Variants in SYNRG observed in about 807,000 individuals in gnomAD.
SYNRG encodes synergin gamma.
In SYNRG, 37 loss-of-function variants were observed where a neutral mutation model predicts 130.9. That is an observed-to-expected ratio of 0.28 (90% CI 0.22 to 0.37). The LOEUF (loss-of-function observed/expected upper bound fraction) is 0.37. SYNRG is among the 10% of genes least tolerant of loss of function. The pLI is 1.00. For synonymous variants in SYNRG, 539 were observed against 568.1 expected, an observed-to-expected ratio of 0.95 and a Z score of 0.73; for missense variants, 1,338 against 1,588.9, an observed-to-expected ratio of 0.84 and a Z score of 2.68.
chr17:37,562,323 C>T (rs981219633), intron 11 of SYNRG, among the ~76,000 whole-genome samples: 1 of 152,194 alleles, frequency 6.6e-6, no homozygotes, highest in Non-Finnish European at 1.5e-5. Flanking sequence ...GGAAAAATAG[C>T]GTAATGAGTA....
At chr17:37,522,157 A>ACACACACACACAC (rs1568245884) in intron 19 of SYNRG, among the ~76,000 whole-genome samples, 2 of 151,280 alleles carry the variant, frequency 1.3e-5, no homozygotes, top group East Asian at 2.0e-4. Context: ...ACACACACAC[A>ACACACACACACAC]ATGGTTAAAA....
chr17:37,525,828 T>G (rs2055818463), intron 19 of SYNRG, among the ~76,000 whole-genome samples: 1 of 152,126 alleles, frequency 6.6e-6, no homozygotes, highest in African/African-American at 2.4e-5. Flanking sequence ...TAGCCAGGTG[T>G]GGTGGCGCTT....
At chr17:37,601,620 G>C (rs746871215) in intron 1 of SYNRG, among the ~76,000 whole-genome samples, 3 of 151,970 alleles carry the variant, frequency 2.0e-5, no homozygotes, top group Non-Finnish European at 1.5e-5. Context: ...ATTTTAGAGC[G>C]TAAGAAAGCT....
At chr17:37,545,197 C>A (rs993473657) in intron 14 of SYNRG, among the ~76,000 whole-genome samples, 6 of 148,260 alleles carry the variant, frequency 4.0e-5, no homozygotes, top group East Asian at 2.0e-4. Context: ...CCAGCCTGGG[C>A]AACAAGAGCG....
intron 11 of SYNRG, chr17:37,567,780 AAACAGG>A: frequency 6.6e-6 from 1 of 152,276 alleles, no homozygotes; most frequent in Non-Finnish European, 1.5e-5. Context: ...GAAACTGCAT[AAACAGG>A]AACAGAGGAG....
chr17:37,598,194 T>C (rs1438140052), intron 2 of SYNRG, among the ~76,000 whole-genome samples: 1 of 152,164 alleles, frequency 6.6e-6, no homozygotes, highest in Non-Finnish European at 1.5e-5. Context: ...CAGGTGGTGA[T>C]AAGAGCTAGG....
rs2056238059 is a variant in SYNRG at position 37,528,585 on chromosome 17, A to G, written c.3666+7394T>C. On this transcript the variant is annotated intron_variant, in intron 19 of 21. Transcript: ENST00000612223. ...TAGTGTTAAGCATTAAAAGCTTCCC[A>G]TAAAACCTCAATCATGCCTCTTTCT... Among the ~76,000 whole-genome samples the G allele has an allele frequency of 2.0e-5, 3 of 152,214 alleles. No individual in the cohort carries two copies. In the South Asian group the frequency reaches 6.2e-4, roughly 31 times the overall value.
At chr17:37,549,362 T>C (rs2058543409) in intron 14 of SYNRG, among the ~76,000 whole-genome samples, 1 of 152,124 alleles carries the variant, frequency 6.6e-6, no homozygotes, top group South Asian at 2.1e-4. Context: ...AGAAAATATT[T>C]TCCATGTTTG....
chr17:37,596,365 T>C (rs2062774622), intron 2 of SYNRG, 21 bp from the exon 3 acceptor site: 2 of 1,612,456 alleles, frequency 1.2e-6, no homozygotes, highest in Non-Finnish European at 1.7e-6. Context: ...AAAGACATTA[T>C]TAAAGTCAAT....
intron 19 of SYNRG, among the ~76,000 whole-genome samples, chr17:37,534,706 GT>G (rs926144318): frequency 6.6e-6 from 1 of 151,860 alleles, no homozygotes; most frequent in African/African-American, 2.4e-5. Context: ...ACAAGAAAAA[GT>G]TTTGGAAATT....
intron 15 of SYNRG, 84 bp from the exon 16 acceptor site, chr17:37,540,627 C>CTTAT: frequency 3.5e-6 from 3 of 864,516 alleles, no homozygotes; most frequent in African/African-American, 1.9e-5. Flanking sequence ...CCACAACCCT[C>CTTAT]TTCTTTTTTT....
chr17:37,533,475 C>T (rs2056851007), intron 19 of SYNRG, among the ~76,000 whole-genome samples: 1 of 151,454 alleles, frequency 6.6e-6, no homozygotes, highest in African/African-American at 2.4e-5. Flanking sequence ...AAAAATGGAA[C>T]CAGTAACCCT....
At position 37,571,987 on chromosome 17, in the gene SYNRG, T is replaced by C. The variant is rs1242867661; in HGVS notation, c.902A>G (p.Asp301Gly). Residue 301 changes from aspartate (D) to glycine (G), a missense_variant and splice_region_variant, in exon 9 of 22, where the codon GAT becomes GGT. Transcript: ENST00000612223. ...GGTTTCTAAGATTTTCTTATAGGCA[T>C]CTATTAAAGGAAAGACCAGATTACA... ...PWIYNESLVP[D>G]AYKKILETTM... 9 of 1,609,632 alleles carry C rather than the reference T, an allele frequency of 5.6e-6. No individual in the cohort carries two copies. The highest frequency in any genetic ancestry group is 7.6e-6 in the Non-Finnish European group (9 of 1,178,398).
At chr17:37,599,389 A>G (rs1469371032) in intron 2 of SYNRG, among the ~76,000 whole-genome samples, 2 of 152,212 alleles carry the variant, frequency 1.3e-5, no homozygotes, top group Non-Finnish European at 2.9e-5. Context: ...TCTGAGACCA[A>G]GAGAGAAAAG....
At chr17:37,541,942 A>G in intron 15 of SYNRG, 30 bp downstream of exon 15, 1 of 1,582,208 alleles carries the variant, frequency 6.3e-7, no homozygotes, top group Non-Finnish European at 8.6e-7. Context: ...AAAAACCACA[A>G]TAGTAAAATC....
intron 20 of SYNRG, 62 bp downstream of exon 20, chr17:37,520,476 A>T (rs1335736596): frequency 5.4e-6 from 8 of 1,487,120 alleles, no homozygotes; most frequent in Non-Finnish European, 7.5e-6. Flanking sequence ...GGGCCAGATG[A>T]GGTTGTCCAG....
chr17:37,572,402 C>T (rs1465422564), intron 8 of SYNRG, among the ~76,000 whole-genome samples: 5 of 150,610 alleles, frequency 3.3e-5, no homozygotes, highest in Admixed American at 2.6e-4. Context: ...CTCTGCACTT[C>T]AGCCTGGGCA....
At position 37,607,955 on chromosome 17, in the gene SYNRG, C is replaced by CAAAAAAAA. The variant is rs67822733; in HGVS notation, c.77+1316_77+1323dup. Among the ~76,000 whole-genome samples the CAAAAAAAA allele has an allele frequency of 5.1e-3, 261 of 51,074 alleles. 3 individuals are homozygous for CAAAAAAAA. The highest frequency in any genetic ancestry group is 0.014 in the East Asian group (22 of 1,572). 33.5% of individuals were successfully genotyped at this position (51,074 alleles called of 152,430 possible). ...TGGGCAACAGAGCAAGACTTCCTCT[C>CAAAAAAAA]AAAAAAAAAAAAAAAAAAAAAAAAA... On this transcript the variant is annotated intron_variant, in intron 1 of 21. Transcript: ENST00000612223.
intron 14 of SYNRG, among the ~76,000 whole-genome samples, chr17:37,547,042 A>C (rs1166720357): frequency 6.6e-6 from 1 of 152,188 alleles, no homozygotes; most frequent in Non-Finnish European, 1.5e-5. Flanking sequence ...CAGGAATGAA[A>C]GTGATCACAG....
Sources: gnomAD v4.1 joint callset for allele counts (sites outside exome capture counted in the v4.1 genomes callset) on GRCh38, gnomAD v4.1.1 for gene constraint, MANE v1.5 for transcripts, NCBI Gene and HGNC (gene_info 2026-07-23, HGNC 2026-07-21) for gene names.